The following ATP11A variants were observed in gnomAD, a reference collection of about 807,000 sequenced individuals.
ATP11A encodes ATPase phospholipid transporting 11A.
A neutral mutation model predicts 154.4 loss-of-function variants in ATP11A; 81 were observed. The observed-to-expected ratio is 0.52, with a 90% CI of 0.44 to 0.63. ATP11A has a LOEUF of 0.63. Among genes scored for constraint, ATP11A ranks in the 30% least tolerant of loss-of-function variants. ATP11A has a pLI of 0.00. For synonymous variants in ATP11A, 623 were observed against 585.9 expected, an observed-to-expected ratio of 1.06 and a Z score of -0.91; for missense variants, 1,316 against 1,474.3, an observed-to-expected ratio of 0.89 and a Z score of 1.76.
Position 112,779,356 on chromosome 13 carries a change from C to CTGGAGTGAGGAGTAGTT in ATP11A, c.40-5779_40-5778insTGGAGTGAGGAGTAGTT, listed in dbSNP as rs2077440593. Among the ~76,000 whole-genome samples, 8 of 138,472 alleles carry CTGGAGTGAGGAGTAGTT rather than the reference C, an allele frequency of 5.8e-5. 1 individual carries two copies. The highest frequency in any genetic ancestry group is 2.4e-4 in the African/African-American group (8 of 33,758). 90.8% of individuals were successfully genotyped at this position (138,472 alleles called of 152,430 possible). On this transcript the variant is annotated intron_variant, in intron 1 of 29. Transcript: ENST00000375645. ...AGGAGTAGCCGCTGGAGTGAGTAGC[C>CTGGAGTGAGGAGTAGTT]GCTGGAGTGAGGAGTAGCCGCTGGA...
intron 14 of ATP11A, among the ~76,000 whole-genome samples, chr13:112,834,299 T>C (rs1384698173): frequency 6.6e-6 from 1 of 152,240 alleles, no homozygotes; most frequent in African/African-American, 2.4e-5. Flanking sequence ...GCAGGCCATG[T>C]GCCTGCCATG....
At chr13:112,702,508 GC>G (rs1886688318) in intron 1 of ATP11A, among the ~76,000 whole-genome samples, 1 of 152,236 alleles carries the variant, frequency 6.6e-6, no homozygotes, top group African/African-American at 2.4e-5. Flanking sequence ...AGATGGCCAG[GC>G]CTCGGGCCCG....
chr13:112,873,463 CTT>C (rs2080608686), intron 26 of ATP11A, 108 bp from the exon 27 acceptor site: 1 of 757,434 alleles, frequency 1.3e-6, no homozygotes, highest in Non-Finnish European at 2.1e-6. Flanking sequence ...ATTGCTGGGT[CTT>C]GCGTTTGGTT....
intron 1 of ATP11A, among the ~76,000 whole-genome samples, chr13:112,733,320 ACAGGATCCTGCTGTGCAGATG>A (rs1890684936): frequency 6.6e-6 from 1 of 152,224 alleles, no homozygotes; most frequent in African/African-American, 2.4e-5. Context: ...CAGGGCACTC[ACAGGATCCTGCTGTGCAGATG>A]CAGGATCCGC....
chr13:112,845,385 C>A (rs2079558100), intron 17 of ATP11A, among the ~76,000 whole-genome samples: 1 of 111,482 alleles, frequency 9.0e-6, no homozygotes, highest in South Asian at 2.5e-4. Context: ...AGTCCAGTTG[C>A]CAGCACTAGC....
chr13:112,833,870 G>A (rs997748446), intron 14 of ATP11A, among the ~76,000 whole-genome samples: 2 of 152,134 alleles, frequency 1.3e-5, no homozygotes, highest in African/African-American at 4.8e-5. Flanking sequence ...AGGCTACCCC[G>A]CCCACCTTTG....
chr13:112,852,791 G>T (rs557564054), intron 18 of ATP11A, among the ~76,000 whole-genome samples: 2 of 146,940 alleles, frequency 1.4e-5, no homozygotes, highest in African/African-American at 5.1e-5. Context: ...TTGGCGGGGG[G>T]GGATCTCAGT....
At chr13:112,854,140 A>G (rs1403015976) in intron 18 of ATP11A, 139 bp from the exon 19 acceptor site, 10 of 1,157,612 alleles carry the variant, frequency 8.6e-6, no homozygotes, top group African/African-American at 3.1e-5. Context: ...TGGTGAGATC[A>G]TGAGCCACAG....
At chr13:112,717,378 C>G (rs1337438214) in intron 1 of ATP11A, 2 of 152,180 alleles carry the variant, frequency 1.3e-5, no homozygotes, top group African/African-American at 4.8e-5. Context: ...CTTGACTGAG[C>G]TCCATTACCT....
intron 28 of ATP11A, among the ~76,000 whole-genome samples, chr13:112,877,053 C>T (rs2080750301): frequency 6.6e-6 from 1 of 152,210 alleles, no homozygotes; most frequent in Admixed American, 6.5e-5. Context: ...AAAATCAGAG[C>T]GAGCAAAACT....
At chr13:112,730,296 C>T (rs2139686137) in intron 1 of ATP11A, among the ~76,000 whole-genome samples, 1 of 152,326 alleles carries the variant, frequency 6.6e-6, no homozygotes, top group African/African-American at 2.4e-5. Context: ...TTGTGTGGAT[C>T]TGTGATTCAT....
At chr13:112,812,845 A>G (rs906864498) in intron 5 of ATP11A, among the ~76,000 whole-genome samples, 1 of 152,260 alleles carries the variant, frequency 6.6e-6, no homozygotes, top group Non-Finnish European at 1.5e-5. Context: ...CCTGGGGAAC[A>G]GCCGCGAGCT....
At chr13:112,775,319 C>T (rs2077321656) in intron 1 of ATP11A, among the ~76,000 whole-genome samples, 1 of 152,236 alleles carries the variant, frequency 6.6e-6, no homozygotes, top group Non-Finnish European at 1.5e-5. Context: ...CCGACTCTGC[C>T]TTAGCCCCGT....
intron 1 of ATP11A, chr13:112,717,821 A>G (rs1325424645): frequency 6.6e-6 from 1 of 152,304 alleles, no homozygotes; most frequent in Non-Finnish European, 1.5e-5. Flanking sequence ...TCACGCCTGT[A>G]ACCCCAGCAC....
At position 112,821,536 on chromosome 13, in the gene ATP11A, A is replaced by G. The variant is rs1324465433; in HGVS notation, c.725+1586A>G. ...GCCATGTCGGTCAAGCTAGTCTCAA[A>G]ACGCCCTCAGGTGATTCACCCACCT... On this transcript the variant is annotated intron_variant, in intron 8 of 29. Coordinates refer to ENST00000375645, the MANE Select transcript of ATP11A (RefSeq NM_015205.3). 5.3e-5 allele frequency among the ~76,000 whole-genome samples: 8 copies of G among 152,298 alleles called. No individual in the cohort carries two copies. In the East Asian group the frequency reaches 1.5e-3, roughly 29 times the overall value.
chr13:112,851,269 C>T (rs1404827687), intron 18 of ATP11A, 51 bp downstream of exon 18: 7 of 1,572,174 alleles, frequency 4.5e-6, no homozygotes, highest in African/African-American at 1.3e-5. Flanking sequence ...GGATGCAGGC[C>T]GACGGCCCAG....
intron 1 of ATP11A, among the ~76,000 whole-genome samples, chr13:112,708,951 C>T (rs1016938733): frequency 6.6e-6 from 1 of 152,120 alleles, no homozygotes; most frequent in Non-Finnish European, 1.5e-5. Context: ...ACTTGAAGAC[C>T]CTCTGGGGCA....
Position 112,881,500 on chromosome 13 carries a change from G to A in ATP11A, c.*10-376G>A, listed in dbSNP as rs2080883372. ...GCCAGCTACAGGGAGGAAGCTCGTAGGTTTCCCGTCCATGGCCTGTATCCC... is the reference window on the plus strand; with the variant it reads ...GCCAGCTACAGGGAGGAAGCTCGTAAGTTTCCCGTCCATGGCCTGTATCCC... On this transcript the variant is annotated intron_variant, in intron 29 of 29. Coordinates refer to ENST00000375645, the MANE Select transcript of ATP11A (RefSeq NM_015205.3). The A allele has an allele frequency of 6.3e-6, 7 of 1,104,818 alleles. 1 individual carries two copies. In the South Asian group the frequency reaches 1.6e-4, roughly 26 times the overall value. The allele number at this position is 1,104,818 out of a possible 1,614,324, so 68.4% of individuals were successfully genotyped here.
At chr13:112,816,323 T>C in intron 6 of ATP11A, 112 bp downstream of exon 6, 2 of 1,407,814 alleles carry the variant, frequency 1.4e-6, no homozygotes, top group African/African-American at 2.8e-5. Flanking sequence ...CGTTTTCATG[T>C]AACCCAGGGA....
Sources: gnomAD v4.1 joint callset for allele counts (sites outside exome capture counted in the v4.1 genomes callset) on GRCh38, gnomAD v4.1.1 for gene constraint, MANE v1.5 for transcripts, NCBI Gene and HGNC (gene_info 2026-07-23, HGNC 2026-07-21) for gene names.